SOX5: variants seen among roughly 807,000 people sequenced by gnomAD.
SOX5 encodes SRY-box transcription factor 5.
Under a neutral mutation model 92.0 loss-of-function variants are expected in SOX5, and 9 were observed. That is an observed-to-expected ratio of 0.10 (90% CI 0.06 to 0.17). The LOEUF (loss-of-function observed/expected upper bound fraction) is 0.17, where lower values mean the gene tolerates loss of function less well. Among genes scored for constraint, SOX5 ranks in the 10% least tolerant of loss-of-function variants. SOX5 has a pLI of 1.00. For synonymous variants in SOX5, 344 were observed against 336.3 expected, an observed-to-expected ratio of 1.02 and a Z score of -0.25; for missense variants, 642 against 944.5, an observed-to-expected ratio of 0.68 and a Z score of 4.20.
intron 3 of SOX5, among the ~76,000 whole-genome samples, chr12:24,266,987 T>C (rs1483225338): frequency 6.6e-6 from 1 of 152,210 alleles, no homozygotes; most frequent in Non-Finnish European, 1.5e-5. Context: ...AGAATTTAAA[T>C]CTCTAATCCT....
chr12:23,723,393 T>C (rs1455444168), intron 6 of SOX5, among the ~76,000 whole-genome samples: 2 of 151,854 alleles, frequency 1.3e-5, no homozygotes, highest in Non-Finnish European at 2.9e-5. Flanking sequence ...AGAAAGGAAC[T>C]ATGTATGGGA....
Position 24,423,232 on chromosome 12 carries a change from A to G in SOX5, c.-250-54593T>C, listed in dbSNP as rs144887605. Among the ~76,000 whole-genome samples, 326 of 152,340 alleles carry G rather than the reference A, an allele frequency of 2.1e-3. 1 individual carries two copies. Among genetic ancestry groups the G allele is most frequent in the South Asian group, 0.016 (77 of 4,826 alleles). The stretch of plus-strand genomic sequence containing the variant: ...TCTCCCTTAAGAACTGTGGAAGGAC[A>G]TAAGGTAAAGAGCAGTTGTTGGTGA... On this transcript the variant is annotated intron_variant, in intron 1 of 4. Coordinates refer to the SOX5 transcript ENST00000446891.
intron 6 of SOX5, among the ~76,000 whole-genome samples, chr12:23,710,501 T>C (rs548658652): frequency 2.0e-5 from 3 of 152,296 alleles, no homozygotes; most frequent in South Asian, 4.2e-4. Context: ...TCTGGTTTTT[T>C]GTTCTTGTGA....
intron 8 of SOX5, among the ~76,000 whole-genome samples, chr12:23,640,019 G>A (rs1250010041): frequency 6.6e-6 from 1 of 152,182 alleles, no homozygotes; most frequent in Non-Finnish European, 1.5e-5. Flanking sequence ...CTTCTCACAA[G>A]AGGAGAGTAA....
chr12:23,779,671 T>A (rs1262098267), intron 3 of SOX5, among the ~76,000 whole-genome samples: 1 of 151,082 alleles, frequency 6.6e-6, no homozygotes, highest in Non-Finnish European at 1.5e-5. Flanking sequence ...CTAAATCCAA[T>A]TTCATGGGAA....
chr12:24,436,292 T>A (rs1342619280), intron 1 of SOX5, among the ~76,000 whole-genome samples: 1 of 152,174 alleles, frequency 6.6e-6, no homozygotes, highest in Non-Finnish European at 1.5e-5. Flanking sequence ...TTAGTCAAGT[T>A]GTAATGCAAA....
chr12:24,169,289 T>C (rs12825246), intron 4 of SOX5, among the ~76,000 whole-genome samples: 363 of 152,344 alleles, frequency 2.4e-3, no homozygotes, highest in Admixed American at 5.4e-3. Flanking sequence ...ACACATCTTA[T>C]AGAAAACTTC....
intron 1 of SOX5, among the ~76,000 whole-genome samples, chr12:24,442,458 A>G (rs1427577201): frequency 6.6e-6 from 1 of 152,240 alleles, no homozygotes; most frequent in African/African-American, 2.4e-5. Context: ...AGAAGGTGCT[A>G]CAAACCAAAG....
At chr12:24,493,800 C>T (rs961288992) in intron 1 of SOX5, among the ~76,000 whole-genome samples, 4 of 151,392 alleles carry the variant, frequency 2.6e-5, no homozygotes, top group African/African-American at 9.7e-5. Context: ...GGAGGCGGAG[C>T]TTGCCCTGAG....
chr12:23,811,125 G>A (rs1403064972), intron 3 of SOX5, among the ~76,000 whole-genome samples: 1 of 152,106 alleles, frequency 6.6e-6, no homozygotes, highest in Non-Finnish European at 1.5e-5. Context: ...GAACACAAGT[G>A]TATAAATGAA....
chr12:23,549,284 GAAAAC>G (rs1313657500), intron 11 of SOX5, among the ~76,000 whole-genome samples: 2 of 151,764 alleles, frequency 1.3e-5, no homozygotes, highest in Non-Finnish European at 2.9e-5. Flanking sequence ...CTGATTTTGG[GAAAAC>G]AAATAAATGT....
At chr12:24,441,927 T>C (rs1940674751) in intron 1 of SOX5, among the ~76,000 whole-genome samples, 1 of 152,134 alleles carries the variant, frequency 6.6e-6, no homozygotes, top group Non-Finnish European at 1.5e-5. Flanking sequence ...CTGAACAAAA[T>C]ATAATACATG....
chr12:23,998,727 G>A (rs779923424), intron 4 of SOX5, among the ~76,000 whole-genome samples: 17 of 150,084 alleles, frequency 1.1e-4, no homozygotes, highest in African/African-American at 3.4e-4. Context: ...CTTGAACCTC[G>A]GAGGCGGAGG....
rs1387483353 is a variant in SOX5 at position 23,577,150 on chromosome 12, T to TATAC, written c.1165-1313_1165-1312insGTAT. 8.8e-3 allele frequency among the ~76,000 whole-genome samples: 1,029 copies of TATAC among 117,484 alleles called. 8 individuals are homozygous for TATAC. The highest frequency in any genetic ancestry group is 0.017 in the African/African-American group (520 of 30,656). 77.1% of individuals were successfully genotyped at this position (117,484 alleles called of 152,430 possible). On this transcript the variant is annotated intron_variant, in intron 9 of 14. Coordinates refer to ENST00000451604, the MANE Select transcript of SOX5 (RefSeq NM_006940.6). ...TCGATATCAAGTTTATATATATATA[T>TATAC]ACACACACACACACACACACACACA...
At chr12:24,023,739 A>G (rs1055769661) in intron 4 of SOX5, among the ~76,000 whole-genome samples, 11 of 152,086 alleles carry the variant, frequency 7.2e-5, no homozygotes, top group African/African-American at 2.7e-4. Flanking sequence ...AGCTACATAT[A>G]CATTTATTTG....
chr12:24,522,997 A>G (rs943164050), intron 1 of SOX5, among the ~76,000 whole-genome samples: 1 of 152,102 alleles, frequency 6.6e-6, no homozygotes, highest in Non-Finnish European at 1.5e-5. Context: ...CAAGTGACAT[A>G]ATCTTATGTG....
At chr12:24,318,306 AGT>A (rs769377598) in intron 2 of SOX5, among the ~76,000 whole-genome samples, 5 of 152,280 alleles carry the variant, frequency 3.3e-5, no homozygotes, top group Admixed American at 1.3e-4. Flanking sequence ...AAGCAAAAGC[AGT>A]GTGTGTGATT....
At chr12:24,485,064 A>G (rs1446390539) in intron 1 of SOX5, among the ~76,000 whole-genome samples, 1 of 152,178 alleles carries the variant, frequency 6.6e-6, no homozygotes, top group African/African-American at 2.4e-5. Flanking sequence ...GAATAAGAGT[A>G]TTTAGGTATT....
At chr12:23,673,263 A>G (rs755540269) in intron 6 of SOX5, among the ~76,000 whole-genome samples, 15 of 152,286 alleles carry the variant, frequency 9.8e-5, no homozygotes, top group Middle Eastern at 6.8e-3. Flanking sequence ...GCTATTTCTT[A>G]AAGTATTATT....
Sources: gnomAD v4.1 joint callset for allele counts (sites outside exome capture counted in the v4.1 genomes callset) on GRCh38, gnomAD v4.1.1 for gene constraint, MANE v1.5 for transcripts, NCBI Gene and HGNC (gene_info 2026-07-23, HGNC 2026-07-21) for gene names.